Variants in TAF4 observed in about 807,000 individuals in gnomAD.
TAF4 encodes the protein transcription initiation factor TFIID subunit 4.
In TAF4, 9 loss-of-function variants were observed where a neutral mutation model predicts 90.3. The ratio of observed to expected loss-of-function variants is 0.10; its 90% CI spans 0.06 to 0.17. The LOEUF (loss-of-function observed/expected upper bound fraction) is 0.17. Ranked by LOEUF, TAF4 falls within the 10% of genes least tolerant of loss-of-function variation. The pLI is 1.00. For missense variants in TAF4, 1,351 were observed against 1,370.7 expected (o/e 0.99, Z 0.23); for synonymous variants, 818 against 638.9 (o/e 1.28, Z -4.23).
chr20:62,022,660 T>G (rs1263894017), intron 1 of TAF4, among the ~76,000 whole-genome samples: 1 of 152,180 alleles, frequency 6.6e-6, no homozygotes, highest in Non-Finnish European at 1.5e-5. Flanking sequence ...CTGTGACAGA[T>G]GCACAGCCTC....
chr20:62,031,918 AC>A (rs1463165114), intron 1 of TAF4, among the ~76,000 whole-genome samples: 1 of 152,054 alleles, frequency 6.6e-6, no homozygotes, highest in Non-Finnish European at 1.5e-5. Flanking sequence ...GAGACACGGA[AC>A]GCACAGGACA....
intron 1 of TAF4, among the ~76,000 whole-genome samples, chr20:62,047,374 G>A (rs2055999511): frequency 6.6e-6 from 1 of 152,060 alleles, no homozygotes; most frequent in South Asian, 2.1e-4. Context: ...TTTTCTGAGA[G>A]AGTCACACCA....
intron 1 of TAF4, among the ~76,000 whole-genome samples, chr20:62,028,472 G>A (rs1215963013): frequency 6.6e-6 from 1 of 152,126 alleles, no homozygotes; most frequent in Non-Finnish European, 1.5e-5. Flanking sequence ...CGTACACAGA[G>A]GGCTGACGTT....
At chr20:62,017,035 G>A (rs1052334493) in intron 1 of TAF4, among the ~76,000 whole-genome samples, 4 of 152,058 alleles carry the variant, frequency 2.6e-5, no homozygotes, top group African/African-American at 9.7e-5. Context: ...CAGCTACTTG[G>A]GAGGCTAGGG....
intron 14 of TAF4, 113 bp from the exon 15 acceptor site, chr20:61,976,448 C>T (rs1269549624): frequency 7.1e-6 from 9 of 1,274,106 alleles, no homozygotes; most frequent in Middle Eastern, 2.7e-4. Context: ...AGGCCTGGCA[C>T]GGGCTCCTTC....
intron 1 of TAF4, among the ~76,000 whole-genome samples, chr20:62,045,435 C>A (rs543251868): frequency 2.0e-4 from 30 of 152,290 alleles, no homozygotes; most frequent in South Asian, 4.1e-4. Context: ...AGAGAACAGG[C>A]GCAGAATCCC....
At chr20:62,024,941 C>T (rs184804152) in intron 1 of TAF4, among the ~76,000 whole-genome samples, 1 of 151,938 alleles carries the variant, frequency 6.6e-6, no homozygotes, top group East Asian at 1.9e-4. Context: ...AATGAGCACA[C>T]GGAGAGAGCC....
chr20:62,045,338 C>T (rs1183900281), intron 1 of TAF4, among the ~76,000 whole-genome samples: 1 of 152,244 alleles, frequency 6.6e-6, no homozygotes, highest in Non-Finnish European at 1.5e-5. Flanking sequence ...CCTGCCCGCT[C>T]CTCTCTACCC....
chr20:62,010,205 C>G lies in TAF4; in HGVS notation c.1642-40G>C. ...AAACACAAGGTAAGGGCATCTCACG[C>G]CACCAGCTGACGAGGGGGAGACCAG... is the stretch of plus-strand genomic sequence containing the variant. On this transcript the variant is annotated intron_variant, in intron 3 of 14. Coordinates refer to ENST00000252996, the MANE Select transcript of TAF4 (RefSeq NM_003185.4). This position sits in a 1 kb window ranked among gnomAD's most constrained non-coding sequence, Gnocchi z 4.5. 1 of 1,612,648 alleles carries G rather than the reference C, an allele frequency of 6.2e-7. No homozygotes were observed. Among genetic ancestry groups the G allele is most frequent in the Non-Finnish European group, 8.5e-7 (1 of 1,179,736 alleles).
At chr20:62,064,390 G>T in intron 1 of TAF4, 61 bp downstream of exon 1, 1 of 1,277,210 alleles carries the variant, frequency 7.8e-7, no homozygotes, top group Non-Finnish European at 9.9e-7. Flanking sequence ...AGAACTTCCT[G>T]GAACTGGCAG....
chr20:61,991,000 A>C (rs184604939), intron 14 of TAF4, among the ~76,000 whole-genome samples: 1 of 152,358 alleles, frequency 6.6e-6, no homozygotes, highest in Admixed American at 6.5e-5. Context: ...GATAAAAAGC[A>C]GAAGAGCATC....
rs1724531474 is a variant in TAF4, at chr20:62,006,885, A to AGTAAGATGGAT, written c.1975-128_1975-127insATCCATCTTAC. 1.6e-6 allele frequency: 2 copies of AGTAAGATGGAT among 1,274,024 alleles called. No homozygotes were observed. Among genetic ancestry groups the AGTAAGATGGAT allele is most frequent in the Admixed American group, 3.6e-5 (1 of 27,730 alleles). 78.9% of individuals were successfully genotyped at this position (1,274,024 alleles called of 1,614,324 possible). A position where few individuals can be genotyped will look rare whatever the true frequency, so the allele number is the denominator to read the frequency against. On this transcript the variant is annotated intron_variant, in intron 6 of 14. Coordinates refer to ENST00000252996, the MANE Select transcript of TAF4 (RefSeq NM_003185.4). The surrounding 1 kb of genome is among the most constrained non-coding windows in gnomAD (Gnocchi z 7.0). ...CTAAGTAAGATGGATCTTGGCCCTC[A>AGTAAGATGGAT]CGGCAGCATGTCTGGATGTCAAGGG...
chr20:61,994,377 GTACT>G (rs1459034270), intron 14 of TAF4, among the ~76,000 whole-genome samples: 11 of 152,210 alleles, frequency 7.2e-5, no homozygotes, highest in African/African-American at 1.2e-4. Flanking sequence ...TTGGGAATCT[GTACT>G]TACTTACTTA....
chr20:62,062,960 G>T (rs28381998), intron 1 of TAF4, among the ~76,000 whole-genome samples: 2 of 152,162 alleles, frequency 1.3e-5, no homozygotes, highest in African/African-American at 4.8e-5. Context: ...TTACATAATA[G>T]ATCACAGCCA....
chr20:62,040,386 A>G (rs2055956894), intron 1 of TAF4, among the ~76,000 whole-genome samples: 1 of 152,226 alleles, frequency 6.6e-6, no homozygotes, highest in Non-Finnish European at 1.5e-5. Context: ...CTCCCACTAC[A>G]TAATCTCATT....
intron 1 of TAF4, among the ~76,000 whole-genome samples, chr20:62,058,980 T>C (rs1448965457): frequency 3.3e-5 from 3 of 89,824 alleles, no homozygotes; most frequent in Admixed American, 3.0e-4. Context: ...CCACAGACAA[T>C]GGGGCTCGGG....
intron 1 of TAF4, among the ~76,000 whole-genome samples, chr20:62,057,544 A>C (rs1425781551): frequency 6.6e-6 from 1 of 152,248 alleles, no homozygotes. Flanking sequence ...TCAAGATGCC[A>C]CGTGTGCCTT....
At chr20:62,013,505 G>A (rs1169344999) in intron 2 of TAF4, among the ~76,000 whole-genome samples, 1 of 152,264 alleles carries the variant, frequency 6.6e-6, no homozygotes, top group Non-Finnish European at 1.5e-5. Context: ...CCACTCAGCA[G>A]ACAGATGCTG....
At chr20:61,989,949 T>A (rs573776978) in intron 14 of TAF4, among the ~76,000 whole-genome samples, 4 of 152,198 alleles carry the variant, frequency 2.6e-5, no homozygotes, top group African/African-American at 9.6e-5. Context: ...ACATTGAGGC[T>A]GTGGGTGGAG....
Sources: gnomAD v4.1 joint callset for allele counts (sites outside exome capture counted in the v4.1 genomes callset) on GRCh38, gnomAD v4.1.1 for gene constraint, Gnocchi (gnomAD v3.1) non-coding constraint, MANE v1.5 for transcripts, NCBI Gene and HGNC (gene_info 2026-07-23, HGNC 2026-07-21) for gene names.